The following CEP290 variants were observed in gnomAD, a reference collection of about 807,000 sequenced individuals.
CEP290 encodes the protein centrosomal protein 290, also known as centrosomal protein of 290 kDa.
In CEP290, 317 loss-of-function variants were observed where a neutral mutation model predicts 344.9. The observed-to-expected ratio is 0.92, with a 90% CI of 0.84 to 1.01. The LOEUF (loss-of-function observed/expected upper bound fraction) is 1.01, where lower values mean the gene tolerates loss of function less well. CEP290 is among the 50% of genes least tolerant of loss of function. CEP290 has a pLI of 0.00. For synonymous variants in CEP290, 932 were observed against 895.8 expected, an observed-to-expected ratio of 1.04 and a Z score of -0.72; for missense variants, 2,754 against 2,761.4, an observed-to-expected ratio of 1.00 and a Z score of 0.06.
At chr12:88,122,087 C>A (rs2039438345) in intron 13 of CEP290, among the ~76,000 whole-genome samples, 2 of 152,196 alleles carry the variant, frequency 1.3e-5, no homozygotes, top group African/African-American at 2.4e-5. Flanking sequence ...TGGACTTAGG[C>A]ATAAAACTAG....
At chr12:88,121,264 A>C (rs2039383349) in intron 13 of CEP290, 98 bp from the exon 14 acceptor site, 1 of 812,810 alleles carries the variant, frequency 1.2e-6, no homozygotes. Context: ...ATGCCATTAA[A>C]AAAAAATCCT....
At chr12:88,056,529 T>TA (rs975479201) in intron 49 of CEP290, among the ~76,000 whole-genome samples, 1 of 152,206 alleles carries the variant, frequency 6.6e-6, no homozygotes, top group African/African-American at 2.4e-5. Context: ...GGAATGTTTT[T>TA]AACCTGACAG....
chr12:88,111,542 T>C (rs900544039), intron 21 of CEP290, among the ~76,000 whole-genome samples, 152 bp downstream of exon 21: 4 of 152,198 alleles, frequency 2.6e-5, no homozygotes, highest in Non-Finnish European at 5.9e-5. Flanking sequence ...TTTCCACTTA[T>C]AATTTTATAA....
chr12:88,120,055 T>TA (rs202232715), intron 15 of CEP290, 59 bp downstream of exon 15: 578 of 1,114,146 alleles, frequency 5.2e-4, no homozygotes, highest in East Asian at 1.3e-3. Context: ...AAATTTAAAT[T>TA]AAAAAAAAAG....
intron 14 of CEP290, 59 bp downstream of exon 14, chr12:88,120,938 A>C: frequency 7.0e-7 from 1 of 1,427,414 alleles, no homozygotes; most frequent in Non-Finnish European, 9.7e-7. Context: ...AGCACAGAAT[A>C]GTCTGTGAAT....
chr12:88,049,340 C>CTT lies in CEP290; in HGVS notation c.7282_7283dup (p.Tyr2429SerfsTer8), dbSNP rs767231715. ...TCTTCACTTCTTCCTTGTAATTATA[C>CTT]TTAAGATCTTCAATTTCTTCAAAAA... On this transcript the variant is annotated frameshift_variant, in exon 54 of 54. Transcript: ENST00000552810. LOFTEE classifies it high-confidence loss of function. The CTT allele has an allele frequency of 7.0e-6, 11 of 1,581,970 alleles. No homozygotes were observed. Among genetic ancestry groups the CTT allele is most frequent in the African/African-American group, 4.1e-5 (3 of 73,692 alleles).
intron 44 of CEP290, 100 bp from the exon 45 acceptor site, chr12:88,064,215 T>C: frequency 2.0e-6 from 2 of 1,008,404 alleles, no homozygotes; most frequent in South Asian, 3.4e-5. Flanking sequence ...TAACTTTTTT[T>C]CCTCAAAGGA....
At position 88,086,425 on chromosome 12, in the gene CEP290, C is replaced by T. The variant is rs774025278; in HGVS notation, c.4268G>A (p.Arg1423His). 1.0e-5 allele frequency: 16 copies of T among 1,597,494 alleles called. No individual in the cohort carries two copies. The highest frequency in any genetic ancestry group is 9.4e-5 in the African/African-American group (7 of 74,666). The change falls in exon 33 of 54, where the codon CGT becomes CAT. Residue 1423 changes from arginine (R) to histidine (H), a missense_variant. Transcript: ENST00000552810. ...CGCATTTAGTATTTCATTTTGCTGA[C>T]GGTCAAAAATGTCTAGTTGGCGTTC... ...DLERQLDIFD[R>H]QQNEILNAAQ...
At position 88,111,720 on chromosome 12, in the gene CEP290, G is replaced by T. The variant is rs767250881; in HGVS notation, c.2191C>A (p.Gln731Lys). The change falls in exon 21 of 54, where the codon CAG becomes AAG. Residue 731 changes from glutamine (Q) to lysine (K), a missense_variant. Transcript: ENST00000552810. ...ESRKEAINYS[Q>K]QLAKANLKID... ...TTTAAATTAGCTTTTGCCAACTGCT[G>T]TGAATAATTTATAGCCTCTTTCCGA... 56 of 1,594,756 alleles carry T rather than the reference G, an allele frequency of 3.5e-5. 1 individual carries two copies. The South Asian group carries it at 6.3e-4, about 18-fold the overall frequency.
At chr12:88,133,407 T>C (rs2138158076) in intron 6 of CEP290, among the ~76,000 whole-genome samples, 1 of 152,268 alleles carries the variant, frequency 6.6e-6, no homozygotes, top group East Asian at 1.9e-4. Flanking sequence ...TTTTGATGGC[T>C]GCATAGTATT....
At chr12:88,049,652 T>C (rs552892778) in intron 53 of CEP290, 1 of 348,932 alleles carries the variant, frequency 2.9e-6, no homozygotes, top group Non-Finnish European at 5.1e-6. Flanking sequence ...TTGACTAAAA[T>C]TTATCATCTC....
At chr12:88,111,488 G>A (rs2038686768) in intron 21 of CEP290, 137 bp from the exon 22 acceptor site, 1 of 929,052 alleles carries the variant, frequency 1.1e-6, no homozygotes, top group Non-Finnish European at 1.5e-6. Context: ...CTAGGTATGA[G>A]ATTTAGAATT....
chr12:88,128,586 A>G (rs892254681), intron 11 of CEP290, among the ~76,000 whole-genome samples: 1 of 152,156 alleles, frequency 6.6e-6, no homozygotes, highest in Non-Finnish European at 1.5e-5. Flanking sequence ...AGAAAAACTA[A>G]AATTAAACCT....
At chr12:88,086,535 A>G in intron 32 of CEP290, 37 bp from the exon 33 acceptor site, 1 of 1,431,698 alleles carries the variant, frequency 7.0e-7, no homozygotes, top group Non-Finnish European at 9.6e-7. Flanking sequence ...CACATACACG[A>G]AGACATCAGG....
At chr12:88,049,453 A>G (rs1396195610) in intron 53 of CEP290, 39 bp from the exon 54 acceptor site, 5 of 1,030,052 alleles carry the variant, frequency 4.9e-6, no homozygotes, top group Middle Eastern at 6.1e-4. Context: ...CATATAGGAA[A>G]TATACATATT....
chr12:88,060,547 A>C (rs1439649040), intron 47 of CEP290, among the ~76,000 whole-genome samples: 2 of 152,052 alleles, frequency 1.3e-5, no homozygotes, highest in African/African-American at 4.8e-5. Context: ...GTGACAAAGC[A>C]GTACTCCATC....
intron 15 of CEP290, 30 bp downstream of exon 15, chr12:88,120,084 G>T: frequency 1.5e-6 from 2 of 1,365,518 alleles, no homozygotes; most frequent in South Asian, 2.0e-5. Context: ...ATCAGGTTGC[G>T]CAAACTATGT....
At position 88,064,167 on chromosome 12, in the gene CEP290, A is replaced by G; in HGVS notation, c.6136-52T>C. The G allele has an allele frequency of 2.8e-6, 4 of 1,416,766 alleles. No homozygotes were observed. In the South Asian group the frequency reaches 5.5e-5, roughly 20 times the overall value. 87.8% of individuals were successfully genotyped at this position (1,416,766 alleles called of 1,614,324 possible). Reference sequence around the variant, plus strand: ...TTTTAAAGTTTAATAAATAAAAGCCATAAAAGACATACTGGATAAGAAAAT... The same window carrying G: ...TTTTAAAGTTTAATAAATAAAAGCCGTAAAAGACATACTGGATAAGAAAAT... On this transcript the variant is annotated intron_variant, in intron 44 of 53. Coordinates refer to ENST00000552810, the MANE Select transcript of CEP290 (RefSeq NM_025114.4).
chr12:88,110,117 C>CCTTGGTAAGT (rs1440014670), intron 22 of CEP290, among the ~76,000 whole-genome samples: 1 of 151,994 alleles, frequency 6.6e-6, no homozygotes, highest in East Asian at 1.9e-4. Context: ...AGTATACTCA[C>CCTTGGTAAGT]AAATGGATCA....
Sources: gnomAD v4.1 joint callset for allele counts (sites outside exome capture counted in the v4.1 genomes callset) on GRCh38, gnomAD v4.1.1 for gene constraint, MANE v1.5 for transcripts, NCBI Gene and HGNC (gene_info 2026-07-23, HGNC 2026-07-21) for gene names.